CLDN14: variants seen among roughly 807,000 people sequenced by gnomAD.
The protein encoded by CLDN14 is claudin 14.
CLDN14 carries 2 observed loss-of-function variants against 2.1 expected under a neutral mutation model. The ratio of observed to expected loss-of-function variants is 0.96; its 90% CI spans 0.39 to 3.01. The LOEUF (loss-of-function observed/expected upper bound fraction) is 3.01. Ranked by LOEUF, CLDN14 falls within the 30% of genes most tolerant of loss-of-function variation. CLDN14 has a pLI of 0.09. For synonymous variants in CLDN14, 136 were observed against 154.4 expected (o/e 0.88, Z 0.88); for missense variants, 298 against 328.0 (o/e 0.91, Z 0.71).
At chr21:36,541,893 AC>A (rs10712046) in intron 1 of CLDN14, among the ~76,000 whole-genome samples, 115,427 of 151,286 alleles carry the variant, frequency 0.76, 44,236 homozygotes, top group Non-Finnish European at 0.82. Context: ...TTCTTTTGTT[AC>A]CCCCCCCCAA....
intron 1 of CLDN14, among the ~76,000 whole-genome samples, chr21:36,518,075 T>TACACACACACACACACAC (rs3030072): frequency 5.9e-4 from 88 of 148,538 alleles, no homozygotes; most frequent in African/African-American, 1.8e-3. Context: ...CTTACATACG[T>TACACACACACACACACAC]ACACACACAC....
chr21:36,490,197 T>C (rs1016784930), intron 2 of CLDN14, among the ~76,000 whole-genome samples: 4 of 152,138 alleles, frequency 2.6e-5, no homozygotes, highest in Non-Finnish European at 5.9e-5. Context: ...TTTTATTCTA[T>C]TTAACTTTGT....
intron 2 of CLDN14, among the ~76,000 whole-genome samples, chr21:36,491,421 G>A (rs1054457606): frequency 5.3e-5 from 8 of 152,176 alleles, no homozygotes; most frequent in African/African-American, 1.9e-4. Flanking sequence ...AATGTAGTGC[G>A]TGTCAGCGAG....
chr21:36,481,889 G>T (rs1039474167), upstream of CLDN14, among the ~76,000 whole-genome samples: 1 of 152,192 alleles, frequency 6.6e-6, no homozygotes, highest in Non-Finnish European at 1.5e-5. Context: ...GTAGCAGGGA[G>T]CCTGGCTAGC....
chr21:36,482,664 G>C (rs1340634761), upstream of CLDN14, among the ~76,000 whole-genome samples: 1 of 152,148 alleles, frequency 6.6e-6, no homozygotes. Flanking sequence ...TGATTTGAGC[G>C]ACACACATGC....
At chr21:36,529,976 G>A (rs1014697882) in intron 1 of CLDN14, among the ~76,000 whole-genome samples, 4 of 152,184 alleles carry the variant, frequency 2.6e-5, no homozygotes, top group African/African-American at 7.2e-5. Flanking sequence ...ACCTGAGCGG[G>A]CACCTGCTGG....
Position 36,543,532 on chromosome 21 carries a change from G to A in CLDN14, c.-220+32879C>T, listed in dbSNP as rs1415176713. On this transcript the variant is annotated intron_variant, in intron 1 of 2. Coordinates refer to the CLDN14 transcript ENST00000342108. ...TAACTTAATAAGTATGTTATCATTT[G>A]ATAGTAATACTTACCAAACACTTCT... 3.3e-5 allele frequency among the ~76,000 whole-genome samples: 5 copies of A among 152,210 alleles called. 1 individual carries two copies. The East Asian group carries it at 9.6e-4, about 29-fold the overall frequency.
intron 1 of CLDN14, among the ~76,000 whole-genome samples, chr21:36,575,902 CTG>C (rs942453349): frequency 2.2e-4 from 34 of 152,182 alleles, no homozygotes; most frequent in African/African-American, 8.2e-4. Context: ...TTAATGGAGA[CTG>C]TAACGACATT....
chr21:36,555,957 T>G (rs1045230599), intron 1 of CLDN14, among the ~76,000 whole-genome samples: 3 of 152,074 alleles, frequency 2.0e-5, no homozygotes, highest in Non-Finnish European at 4.4e-5. Context: ...TTTTAAGAAT[T>G]CTCACTTTGA....
intron 1 of CLDN14, among the ~76,000 whole-genome samples, chr21:36,569,028 A>G (rs1454590908): frequency 1.3e-5 from 2 of 152,244 alleles, no homozygotes; most frequent in African/African-American, 4.8e-5. Context: ...TCCACCAGTA[A>G]ACTACAAATA....
chr21:36,524,438 C>T (rs1355879345), intron 1 of CLDN14, among the ~76,000 whole-genome samples: 1 of 152,200 alleles, frequency 6.6e-6, no homozygotes, highest in African/African-American at 2.4e-5. Flanking sequence ...AGACTTTAAC[C>T]TGCACAAGGG....
chr21:36,482,475 C>T (rs1300685247), upstream of CLDN14, among the ~76,000 whole-genome samples: 5 of 151,016 alleles, frequency 3.3e-5, no homozygotes, highest in Non-Finnish European at 5.9e-5. Flanking sequence ...CATAGATCAC[C>T]TTTATTCTGA....
At chr21:36,492,539 G>A (rs1472301835) in intron 2 of CLDN14, among the ~76,000 whole-genome samples, 1 of 152,098 alleles carries the variant, frequency 6.6e-6, no homozygotes, top group Non-Finnish European at 1.5e-5. Context: ...TGAGGTGGGA[G>A]GATCTCTTGA....
chr21:36,547,849 A>G (rs1943192552), intron 1 of CLDN14, among the ~76,000 whole-genome samples: 1 of 152,178 alleles, frequency 6.6e-6, no homozygotes, highest in African/African-American at 2.4e-5. Flanking sequence ...CTGATCCTCC[A>G]AAGGACACAG....
Position 36,461,493 on chromosome 21 carries a change from C to T in CLDN14, c.203G>A (p.Arg68Gln), listed in dbSNP as rs756095919. 1.7e-5 allele frequency: 28 copies of T among 1,613,396 alleles called. No homozygotes were observed. The highest frequency in any genetic ancestry group is 3.3e-5 in the Admixed American group (2 of 60,022). The change falls in exon 2 of 2, where the codon CGA (arginine) becomes CAA (glutamine). Residue 68 changes from arginine to glutamine, a missense_variant. By Grantham distance (43) the Arg-to-Gln change is conservative (BLOSUM62 1). Coordinates refer to ENST00000399135, the MANE Select transcript of CLDN14 (RefSeq NM_001146079.2). ...STGIYQCQIY[R>Q]SLLALPQDLQ... Reference sequence around the variant, plus strand: ...GTCTTGGGGCAGCGCCAGCAGGGATCGGTAGATCTGGCACTGGTAGATGCC... The same window carrying T: ...GTCTTGGGGCAGCGCCAGCAGGGATTGGTAGATCTGGCACTGGTAGATGCC...
chr21:36,474,083 G>A lies in CLDN14; in HGVS notation c.-82+5412C>T, dbSNP rs80177565. 6.0e-3 allele frequency among the ~76,000 whole-genome samples: 911 copies of A among 152,284 alleles called. 8 individuals are homozygous for A. Among genetic ancestry groups the A allele is most frequent in the African/African-American group, 0.019 (801 of 41,552 alleles). On this transcript the variant is annotated intron_variant, in intron 1 of 1. Transcript: ENST00000399135. ...GGAATGAGCCCAGAGAATTCTTTCAGGAACTTGGACCCTCCAGGGGAATCA... is the reference window on the plus strand; with the variant it reads ...GGAATGAGCCCAGAGAATTCTTTCAAGAACTTGGACCCTCCAGGGGAATCA...
chr21:36,488,098 CCA>C (rs1260379860), intron 2 of CLDN14, among the ~76,000 whole-genome samples: 1 of 152,214 alleles, frequency 6.6e-6, no homozygotes, highest in African/African-American at 2.4e-5. Flanking sequence ...TATGCTGTAA[CCA>C]CACAATGCAA....
rs555478029 is a variant in CLDN14, at chr21:36,498,899, G to C, written c.-82+11464C>G. On this transcript the variant is annotated intron_variant, in intron 2 of 2. Transcript: ENST00000342108. The surrounding 1 kb of genome is among the most constrained non-coding windows in gnomAD (Gnocchi z 4.9). ...TTCCTGCCTGAGGTGCCAGGAACCTGTCCCTTTCTTCTAGGTGGTTCGCTC... is the reference window on the plus strand; with the variant it reads ...TTCCTGCCTGAGGTGCCAGGAACCTCTCCCTTTCTTCTAGGTGGTTCGCTC... Among the ~76,000 whole-genome samples, 1 of 152,172 alleles carries C rather than the reference G, an allele frequency of 6.6e-6. No homozygotes were observed. The highest frequency in any genetic ancestry group is 1.5e-5 in the Non-Finnish European group (1 of 68,032).
chr21:36,548,393 G>A (rs1315431278), intron 1 of CLDN14, among the ~76,000 whole-genome samples: 1 of 152,122 alleles, frequency 6.6e-6, no homozygotes, highest in Non-Finnish European at 1.5e-5. Flanking sequence ...ATATTCACTG[G>A]GACTCACTAA....
Sources: allele counts gnomAD v4.1 joint callset (sites outside exome capture counted in the v4.1 genomes callset), GRCh38; gene constraint gnomAD v4.1.1; non-coding constraint Gnocchi (gnomAD v3.1); transcripts MANE v1.5; gene names NCBI Gene and HGNC (gene_info 2026-07-23, HGNC 2026-07-21).